PITPNM3: variants seen among roughly 807,000 people sequenced by gnomAD.
PITPNM3 encodes membrane-associated phosphatidylinositol transfer protein 3.
In PITPNM3, 26 loss-of-function variants were observed where a neutral mutation model predicts 102.0. That is an observed-to-expected ratio of 0.25 (90% CI 0.19 to 0.35). PITPNM3 has a LOEUF of 0.35. PITPNM3 is among the 10% of genes least tolerant of loss of function. The pLI is 1.00. For missense variants in PITPNM3, 1,083 were observed against 1,346.1 expected, an observed-to-expected ratio of 0.80 and a Z score of 3.06; for synonymous variants, 578 against 558.6, an observed-to-expected ratio of 1.03 and a Z score of -0.49.
chr17:6,465,943 C>G (rs925613550), intron 14 of PITPNM3, among the ~76,000 whole-genome samples: 2 of 152,336 alleles, frequency 1.3e-5, no homozygotes, highest in Non-Finnish European at 2.9e-5. Context: ...AAGGCAGTCC[C>G]TGCAACAGAT....
rs770177592 is a variant in PITPNM3 at position 6,455,470 on chromosome 17, C to T, written c.2793G>A (p.Gln931=). 1.9e-6 allele frequency: 3 copies of T among 1,605,000 alleles called. No homozygotes were observed. Among genetic ancestry groups the T allele is most frequent in the East Asian group, 2.2e-5 (1 of 44,658 alleles). The change falls in exon 20 of 20, where the codon CAG becomes CAA. Residue 931 remains glutamine, a synonymous_variant. Coordinates refer to ENST00000262483, the MANE Select transcript of PITPNM3 (RefSeq NM_031220.4). ...TGGGGTTGGCGGCGGGCGGGTCGGG[C>T]TGCTGCACTGACATGGTTCTGCGCA... ...NHLRRTMSVQ[Q]PDPPAANPKP...
In PITPNM3 at chr17:6,459,438, C is replaced by CT. The variant is rs1217605779; in HGVS notation, c.2491-1717dup. Among the ~76,000 whole-genome samples, 3 of 151,970 alleles carry CT rather than the reference C, an allele frequency of 2.0e-5. No individual in the cohort carries two copies. Among genetic ancestry groups the CT allele is most frequent in the African/African-American group, 7.3e-5 (3 of 41,288 alleles). On this transcript the variant is annotated intron_variant, in intron 18 of 19. Transcript: ENST00000262483. The surrounding 1 kb of genome is among the most constrained non-coding windows in gnomAD (Gnocchi z 5.0). ...TGCTCTCAGTGGCCCAGCACAGCCT[C>CT]TTCTAACGCCTCATCTCCCGTCTCA... is the stretch of plus-strand genomic sequence containing the variant.
chr17:6,503,871 C>CG (rs1567679321), intron 3 of PITPNM3, among the ~76,000 whole-genome samples: 1 of 152,130 alleles, frequency 6.6e-6, no homozygotes, highest in African/African-American at 2.4e-5. Context: ...TATAAAGCAG[C>CG]GGCTTCCCAG....
intron 1 of PITPNM3, among the ~76,000 whole-genome samples, chr17:6,539,843 A>G (rs1909639546): frequency 6.6e-6 from 1 of 152,192 alleles, no homozygotes; most frequent in Non-Finnish European, 1.5e-5. Flanking sequence ...AAGAATTTGG[A>G]TAGTCAGCAA....
intron 16 of PITPNM3, 34 bp from the exon 17 acceptor site, chr17:6,463,915 TCAGGGTCAGACGTTAGCCGGAATC>T (rs780325261): frequency 5.6e-6 from 9 of 1,612,370 alleles, no homozygotes; most frequent in Non-Finnish European, 7.6e-6. Flanking sequence ...AGCCGTGAGG[TCAGGGTCAGACGTTAGCCGGAATC>T]CAGAGGTCAG....
Position 6,468,236 on chromosome 17 carries a change from C to A in PITPNM3, c.1879G>T (p.Val627Phe), listed in dbSNP as rs758320937. The change falls in exon 14 of 20, where the codon GTC becomes TTC. Residue 627 changes from valine (V) to phenylalanine (F), a missense_variant. Val to Phe is a conservative substitution (Grantham distance 50). Around this residue, in one of 5 missense-constraint regions of PITPNM3, gnomAD observed 410 missense variants for 638.4 expected, o/e 0.64. Transcript: ENST00000262483. This position sits in a 1 kb window ranked among gnomAD's most constrained non-coding sequence, Gnocchi z 5.2. ...GAGCATGCACGCACCCTCAGCTTGACCTGAGTCCGCTTACGAAGCCACTTC... is the reference window on the plus strand; with the variant it reads ...GAGCATGCACGCACCCTCAGCTTGAACTGAGTCCGCTTACGAAGCCACTTC... ...REKWLRKRTQ[V>F]KLRNVTANHR... 6.2e-7 allele frequency: 1 copy of A among 1,613,258 alleles called. No individual in the cohort carries two copies. Among genetic ancestry groups the A allele is most frequent in the Non-Finnish European group, 8.5e-7 (1 of 1,179,984 alleles).
At chr17:6,527,443 G>C (rs930542178) in intron 2 of PITPNM3, among the ~76,000 whole-genome samples, 5 of 152,180 alleles carry the variant, frequency 3.3e-5, no homozygotes, top group African/African-American at 1.2e-4. Flanking sequence ...CACAGTAAAA[G>C]CACAGGCTGA....
intron 3 of PITPNM3, among the ~76,000 whole-genome samples, chr17:6,504,345 C>T (rs1459592900): frequency 6.6e-6 from 1 of 152,040 alleles, no homozygotes; most frequent in Non-Finnish European, 1.5e-5. Context: ...CTCACAACCC[C>T]GTGCCTGCCT....
rs1297600701 is a variant in PITPNM3, at chr17:6,470,845, G to A, written c.1624+316C>T. Among the ~76,000 whole-genome samples, 2 of 152,118 alleles carry A rather than the reference G, an allele frequency of 1.3e-5. No homozygotes were observed. The highest frequency in any genetic ancestry group is 2.9e-5 in the Non-Finnish European group (2 of 68,008). On this transcript the variant is annotated intron_variant, in intron 12 of 19. Transcript: ENST00000262483. This position sits in a 1 kb window ranked among gnomAD's most constrained non-coding sequence, Gnocchi z 4.8. ...AAGCTCAGACCCTGTCAGGGATCAG[G>A]GGTCACTGCTCTCCTCAAGGTCAGA...
chr17:6,551,738 T>TAA (rs1910315669), intron 1 of PITPNM3, among the ~76,000 whole-genome samples: 6 of 151,186 alleles, frequency 4.0e-5, no homozygotes, highest in African/African-American at 1.5e-4. Context: ...TAAAAAAATT[T>TAA]TTTTTTTTTT....
intron 4 of PITPNM3, among the ~76,000 whole-genome samples, chr17:6,500,729 G>A (rs1437382858): frequency 1.3e-5 from 2 of 151,608 alleles, no homozygotes; most frequent in Non-Finnish European, 2.9e-5. Context: ...AGGCTGGAGT[G>A]CAATGGCATA....
At chr17:6,477,686 C>T (rs549966923) in intron 8 of PITPNM3, among the ~76,000 whole-genome samples, 1 of 152,198 alleles carries the variant, frequency 6.6e-6, no homozygotes, top group Non-Finnish European at 1.5e-5. Flanking sequence ...GCTGGGATTA[C>T]AGGCACCCAC....
Position 6,491,816 on chromosome 17 carries a change from A to AAT in PITPNM3, c.275-7526_275-7525dup, listed in dbSNP as rs71381397. On this transcript the variant is annotated intron_variant, in intron 4 of 19. Coordinates refer to ENST00000262483, the MANE Select transcript of PITPNM3 (RefSeq NM_031220.4). ...TTTTCTCTAGATGCTGGGACAATGG[A>AAT]ATATATATATATATATATATAATAA... 6.1e-3 allele frequency among the ~76,000 whole-genome samples: 378 copies of AAT among 62,010 alleles called. 5 individuals are homozygous for AAT. The highest frequency in any genetic ancestry group is 0.022 in the East Asian group (57 of 2,558). 40.7% of individuals were successfully genotyped at this position (62,010 alleles called of 152,430 possible).
chr17:6,464,068 G>A, intron 16 of PITPNM3, 102 bp downstream of exon 16: 1 of 1,581,588 alleles, frequency 6.3e-7, no homozygotes, highest in South Asian at 1.1e-5. Context: ...ACAGAGATGG[G>A]GGCCCACAAA....
intron 1 of PITPNM3, among the ~76,000 whole-genome samples, chr17:6,544,842 T>C (rs1179001983): frequency 6.7e-6 from 1 of 149,686 alleles, no homozygotes; most frequent in East Asian, 2.0e-4. Context: ...ATGTGGCTCA[T>C]GCAGCCACAC....
At chr17:6,495,532 C>G (rs749723027) in intron 4 of PITPNM3, among the ~76,000 whole-genome samples, 2 of 152,184 alleles carry the variant, frequency 1.3e-5, no homozygotes, top group Non-Finnish European at 2.9e-5. Context: ...GAAGACCTGG[C>G]CATCCCATGC....
intron 4 of PITPNM3, among the ~76,000 whole-genome samples, chr17:6,492,958 A>G (rs774536343): frequency 6.6e-6 from 1 of 152,014 alleles, no homozygotes; most frequent in Non-Finnish European, 1.5e-5. Flanking sequence ...TTCCCACCCT[A>G]TTGGTTATTG....
chr17:6,462,719 G>A (rs1473800644), intron 17 of PITPNM3, among the ~76,000 whole-genome samples: 1 of 152,204 alleles, frequency 6.6e-6, no homozygotes, highest in African/African-American at 2.4e-5. Context: ...GAGATGGGGA[G>A]TTCTAAAACT....
chr17:6,512,840 G>A (rs1597394777), intron 3 of PITPNM3, among the ~76,000 whole-genome samples: 1 of 152,242 alleles, frequency 6.6e-6, no homozygotes, highest in Non-Finnish European at 1.5e-5. Context: ...AACCTAGATT[G>A]TAAATCATTC....
Sources: allele counts gnomAD v4.1 joint callset (sites outside exome capture counted in the v4.1 genomes callset), GRCh38; gene constraint gnomAD v4.1.1; regional missense constraint gnomAD v4.1.1; non-coding constraint Gnocchi (gnomAD v3.1); transcripts MANE v1.5; gene names NCBI Gene and HGNC (gene_info 2026-07-23, HGNC 2026-07-21).